The following PSG1 variants were observed in gnomAD, a reference collection of about 807,000 sequenced individuals.
PSG1 encodes pregnancy-specific beta-1-glycoprotein 1.
In PSG1, 60 loss-of-function variants were observed where a neutral mutation model predicts 41.4. The observed-to-expected ratio is 1.45, with a 90% CI of 1.18 to 1.80. The LOEUF (loss-of-function observed/expected upper bound fraction) is 1.80. Among genes scored for constraint, PSG1 ranks in the 40% most tolerant of loss-of-function variants. The pLI is 0.00. For synonymous variants in PSG1, 256 were observed against 192.9 expected, an observed-to-expected ratio of 1.33 and a Z score of -2.71; for missense variants, 806 against 516.9, an observed-to-expected ratio of 1.56 and a Z score of -5.42.
rs761725410 is a variant in PSG1, at chr19:42,868,083, A to G, written c.1243+18T>C. 4 of 1,612,262 alleles carry G rather than the reference A, an allele frequency of 2.5e-6. No homozygotes were observed. The highest frequency in any genetic ancestry group is 4.5e-5 in the East Asian group (2 of 44,798). ...TCCACCTAAAACCCTATTGCCAACG[A>G]TGCTGGGATCCACTTACCAGAGACT... On this transcript the variant is annotated intron_variant, in intron 5 of 5. Coordinates refer to ENST00000436291, the MANE Select transcript of PSG1 (RefSeq NM_001184825.2).
In PSG1 at chr19:42,878,295, A is replaced by G. The variant is rs376505533; in HGVS notation, c.65-17T>C. ...AAAGTGATGCTAGGAGGTGGAGAGA[A>G]CATCAGTCAATATTGAGACCTATGT... On this transcript the variant is annotated splice_polypyrimidine_tract_variant and intron_variant, in intron 1 of 5. Coordinates refer to ENST00000436291, the MANE Select transcript of PSG1 (RefSeq NM_001184825.2). 1.1e-4 allele frequency: 182 copies of G among 1,594,590 alleles called. 2 individuals are homozygous for G. Among genetic ancestry groups the G allele is most frequent in the South Asian group, 7.0e-4 (61 of 86,870 alleles).
At chr19:42,872,869 T>C (rs1319514969) in intron 2 of PSG1, among the ~76,000 whole-genome samples, 2 of 151,778 alleles carry the variant, frequency 1.3e-5, no homozygotes, top group Non-Finnish European at 2.9e-5. Context: ...AACTGACTGG[T>C]GGAAAGGGCG....
chr19:42,866,744 C>G lies in PSG1; in HGVS notation c.*390G>C, dbSNP rs1283923214. On this transcript the variant is annotated 3_prime_UTR_variant, in exon 6 of 6. Coordinates refer to ENST00000436291, the MANE Select transcript of PSG1 (RefSeq NM_001184825.2). ...AAAGTTTGAGGTTGAGATGACATAT[C>G]TGACACTCTGTTGTTACTCTCAGAA... 4.3e-6 allele frequency: 2 copies of G among 468,726 alleles called. No homozygotes were observed. Among genetic ancestry groups the G allele is most frequent in the Non-Finnish European group, 7.8e-6 (2 of 257,786 alleles). The allele number at this position is 468,726 out of a possible 1,614,324, so 29.0% of individuals were successfully genotyped here.
rs564296743 is a variant in PSG1, at chr19:42,873,125, A to G, written c.431-1080T>C. Among the ~76,000 whole-genome samples the G allele has an allele frequency of 2.0e-5, 3 of 151,756 alleles. No homozygotes were observed. In the East Asian group the frequency reaches 5.8e-4, roughly 29 times the overall value. ...TGTTGTTCCGTGGGTGTGCAGTTTC[A>G]GTTATGCAGGAAGAGGAGGTTCTAG... On this transcript the variant is annotated intron_variant, in intron 2 of 5. Coordinates refer to ENST00000436291, the MANE Select transcript of PSG1 (RefSeq NM_001184825.2).
chr19:42,867,055 T>A lies in PSG1; in HGVS notation c.*79A>T, dbSNP rs761859623. 66 of 771,296 alleles carry A rather than the reference T, an allele frequency of 8.6e-5. 4 individuals carry two copies. Among genetic ancestry groups the A allele is most frequent in the South Asian group, 2.3e-4 (17 of 74,390 alleles). The allele number at this position is 771,296 out of a possible 1,614,324, so 47.8% of individuals were successfully genotyped here. Reference sequence around the variant, plus strand: ...TACATTGAGTTGTCCACCTCCAGCTTATAGGGCTTCTGGAACAGAGTGGGT... The same window carrying A: ...TACATTGAGTTGTCCACCTCCAGCTAATAGGGCTTCTGGAACAGAGTGGGT... On this transcript the variant is annotated 3_prime_UTR_variant, in exon 6 of 6. Coordinates refer to ENST00000436291, the MANE Select transcript of PSG1 (RefSeq NM_001184825.2).
rs58030325 is a variant in PSG1, at chr19:42,879,157, C to CTTT, written c.64+358_64+360dup. On this transcript the variant is annotated intron_variant, in intron 1 of 5. Coordinates refer to ENST00000436291, the MANE Select transcript of PSG1 (RefSeq NM_001184825.2). The stretch of plus-strand genomic sequence containing the variant: ...GCCTTCTTTCCTTTTTTTCTTTTTT[C>CTTT]TTTTTTTTTTTTTGAGATGGAGTCT... 3.4e-4 allele frequency among the ~76,000 whole-genome samples: 47 copies of CTTT among 139,632 alleles called. 3 individuals carry two copies. Among genetic ancestry groups the CTTT allele is most frequent in the Middle Eastern group, 3.7e-3 (1 of 268 alleles). 91.6% of individuals were successfully genotyped at this position (139,632 alleles called of 152,430 possible).
chr19:42,867,370 A>T lies in PSG1; in HGVS notation c.1244-220T>A, dbSNP rs1482382167. ...AGTGCAGCAAGAGTAGCAATGGACCATGTAGGCTGTCTTCTAAAATTTTCT... is the reference window on the plus strand; with the variant it reads ...AGTGCAGCAAGAGTAGCAATGGACCTTGTAGGCTGTCTTCTAAAATTTTCT... On this transcript the variant is annotated intron_variant, in intron 5 of 5. Transcript: ENST00000436291. 5.1e-6 allele frequency: 3 copies of T among 588,154 alleles called. 1 individual carries two copies. Among genetic ancestry groups the T allele is most frequent in the Non-Finnish European group, 9.0e-6 (3 of 333,384 alleles). The allele number at this position is 588,154 out of a possible 1,614,324, so 36.4% of individuals were successfully genotyped here. A position where few individuals can be genotyped will look rare whatever the true frequency, so the allele number is the denominator to read the frequency against.
intron 3 of PSG1, 131 bp from the exon 4 acceptor site, chr19:42,869,165 T>A: frequency 6.6e-7 from 1 of 1,515,562 alleles, no homozygotes; most frequent in Non-Finnish European, 8.8e-7. Flanking sequence ...GCTGGTGCTT[T>A]TGTCACAAGA....
At chr19:42,873,589 T>C (rs1165517467) in intron 2 of PSG1, among the ~76,000 whole-genome samples, 3 of 151,860 alleles carry the variant, frequency 2.0e-5, no homozygotes, top group Non-Finnish European at 4.4e-5. Flanking sequence ...GTATTTCTCT[T>C]GAGACCAAAA....
chr19:42,876,603 G>T (rs1971618262), intron 2 of PSG1: 2 of 337,654 alleles, frequency 5.9e-6, no homozygotes, highest in South Asian at 2.8e-5. Flanking sequence ...GAGTGTGAGT[G>T]GGGAAAGAAA....
chr19:42,868,832 T>A lies in PSG1; in HGVS notation c.912A>T (p.Glu304Asp), dbSNP rs549159735. 9 of 1,611,694 alleles carry A rather than the reference T, an allele frequency of 5.6e-6. No homozygotes were observed. In the Admixed American group the frequency reaches 1.5e-4, roughly 27 times the overall value. Residue 304 changes from glutamate (E) to aspartate (D), a missense_variant, in exon 4 of 6, where the codon GAA becomes GAT. By Grantham distance (45) the Glu-to-Asp change is conservative (BLOSUM62 2). Coordinates refer to ENST00000436291, the MANE Select transcript of PSG1 (RefSeq NM_001184825.2). Reference sequence around the variant, plus strand: ...GTATTTCACATTGATAGGGTCCTGTTTCATTTCTCGTGACACTGGGTAGAA... The same window carrying A: ...GTATTTCACATTGATAGGGTCCTGTATCATTTCTCGTGACACTGGGTAGAA... Reference protein sequence around the residue: ...ILILPSVTRNETGPYQCEIRD... With the variant: ...ILILPSVTRNDTGPYQCEIRD...
At chr19:42,874,868 G>T (rs1971540306) in intron 2 of PSG1, among the ~76,000 whole-genome samples, 1 of 151,458 alleles carries the variant, frequency 6.6e-6, no homozygotes, top group Admixed American at 6.6e-5. Flanking sequence ...CATCTCTGAG[G>T]GATTTTAACA....
chr19:42,868,800 C>A lies in PSG1; in HGVS notation c.944G>T (p.Arg315Leu), dbSNP rs150133383. The change falls in exon 4 of 6, where the codon CGA becomes CTA. Residue 315 changes from arginine (R) to leucine (L), a missense_variant. Arg to Leu is a moderately radical substitution (Grantham distance 102). Coordinates refer to ENST00000436291, the MANE Select transcript of PSG1 (RefSeq NM_001184825.2). ...TGPYQCEIRD[R>L]YGGIRSDPVT... ...TGGGTCACTGCGGATGCCACCATAT[C>A]GGTCCCGTATTTCACATTGATAGGG... is the stretch of plus-strand genomic sequence containing the variant. The A allele has an allele frequency of 2.0e-5, 33 of 1,611,696 alleles. No individual in the cohort carries two copies. The highest frequency in any genetic ancestry group is 2.5e-5 in the Non-Finnish European group (29 of 1,179,028).
rs757520709 is a variant in PSG1, at chr19:42,868,014, G to T, written c.1243+87C>A. Reference sequence around the variant, plus strand: ...CTTGTGCCCATGGGACACAGGCTGGGAATACAATTGTTTTCCTGACTCTTC... The same window carrying T: ...CTTGTGCCCATGGGACACAGGCTGGTAATACAATTGTTTTCCTGACTCTTC... On this transcript the variant is annotated intron_variant, in intron 5 of 5. Transcript: ENST00000436291. 7.0e-5 allele frequency: 113 copies of T among 1,609,938 alleles called. 3 individuals are homozygous for T. The East Asian group carries it at 2.5e-3, about 35-fold the overall frequency.
chr19:42,876,353 A>G (rs1282250228), intron 2 of PSG1, among the ~76,000 whole-genome samples: 1 of 151,326 alleles, frequency 6.6e-6, no homozygotes, highest in Non-Finnish European at 1.5e-5. Flanking sequence ...CGGTGGCTTA[A>G]GAGCTTCAGA....
rs1190347996 is a variant in PSG1, at chr19:42,871,955, G to A, written c.521C>T (p.Pro174Leu). ...CATCCACCACAGGTAGCTTGCGTCT[G>A]GAGTCTCAGGGTCACAGGTTAAGCT... Reference protein sequence around the residue: ...AVSLTCDPETPDASYLWWMNG... With the variant: ...AVSLTCDPETLDASYLWWMNG... Residue 174 changes from proline (P) to leucine (L), a missense_variant, in exon 3 of 6, where the codon CCA becomes CTA. Coordinates refer to ENST00000436291, the MANE Select transcript of PSG1 (RefSeq NM_001184825.2). 12 of 1,612,344 alleles carry A rather than the reference G, an allele frequency of 7.4e-6. No individual in the cohort carries two copies. The African/African-American group carries it at 1.6e-4, about 22-fold the overall frequency.
chr19:42,877,990 C>G lies in PSG1; in HGVS notation c.353G>C (p.Gly118Ala), dbSNP rs773051536. 2.5e-6 allele frequency: 4 copies of G among 1,612,438 alleles called. No homozygotes were observed. Among genetic ancestry groups the G allele is most frequent in the Non-Finnish European group, 3.4e-6 (4 of 1,179,164 alleles). ...CTTTATGATGTGTAAGGTGTAGGAT[C>G]CTGCGTCCTCCCGGGTGACATTCTG... The part of the protein sequence containing the change: ...LIQNVTREDA[G>A]SYTLHIIKGD... The change falls in exon 2 of 6, where the codon GGA (glycine) becomes GCA (alanine). Residue 118 changes from glycine to alanine, a missense_variant. Gly to Ala is a moderately conservative substitution (Grantham distance 60). Transcript: ENST00000436291.
At chr19:42,877,534 C>T (rs1230679732) in intron 2 of PSG1, among the ~76,000 whole-genome samples, 2 of 151,740 alleles carry the variant, frequency 1.3e-5, no homozygotes, top group South Asian at 2.1e-4. Flanking sequence ...GTTGAGGCTT[C>T]TAGGGCTGAG....
At position 42,868,817 on chromosome 19, in the gene PSG1, T is replaced by C. The variant is rs1375535161; in HGVS notation, c.927A>G (p.Gln309=). The C allele has an allele frequency of 4.3e-5, 70 of 1,611,878 alleles. No homozygotes were observed. The East Asian group carries it at 1.4e-3, about 32-fold the overall frequency. The change falls in exon 4 of 6, where the codon CAA becomes CAG. Residue 309 remains glutamine (Q), a synonymous_variant. Coordinates refer to ENST00000436291, the MANE Select transcript of PSG1 (RefSeq NM_001184825.2). ...CACCATATCGGTCCCGTATTTCACA[T>C]TGATAGGGTCCTGTTTCATTTCTCG... The part of the protein sequence containing the change: ...SVTRNETGPY[Q]CEIRDRYGGI...
Sources: gnomAD v4.1 joint callset for allele counts (sites outside exome capture counted in the v4.1 genomes callset) on GRCh38, gnomAD v4.1.1 for gene constraint, MANE v1.5 for transcripts, NCBI Gene and HGNC (gene_info 2026-07-23, HGNC 2026-07-21) for gene names.